The following PML variants were observed in gnomAD, a reference collection of about 807,000 sequenced individuals.
PML encodes the protein PML nuclear body scaffold.
PML carries 28 observed loss-of-function variants against 65.2 expected under a neutral mutation model. The ratio of observed to expected loss-of-function variants is 0.43; its 90% CI spans 0.32 to 0.59. The LOEUF (loss-of-function observed/expected upper bound fraction) is 0.59. Ranked by LOEUF, PML falls within the 20% of genes least tolerant of loss-of-function variation. The probability of loss-of-function intolerance (pLI) is 0.08; values close to 1 mark genes in which losing one functional copy is unlikely to be tolerated. For synonymous variants in PML, 500 were observed against 508.8 expected (o/e 0.98, Z 0.23); for missense variants, 1,021 against 1,203.4 (o/e 0.85, Z 2.24).
intron 2 of PML, among the ~76,000 whole-genome samples, chr15:74,010,120 C>A (rs530981817): frequency 6.6e-6 from 1 of 151,354 alleles, no homozygotes; most frequent in Non-Finnish European, 1.5e-5. Context: ...CCCAAGTTAT[C>A]CTCCCACCTC....
intron 5 of PML, 54 bp from the exon 6 acceptor site, chr15:74,033,102 T>C: frequency 3.1e-6 from 5 of 1,604,252 alleles, no homozygotes; most frequent in Non-Finnish European, 4.3e-6. Context: ...GGGCAGGCTC[T>C]GCCCACTCAC....
chr15:74,032,734 C>T lies in PML; in HGVS notation c.1398+19C>T, dbSNP rs1430702678. The stretch of plus-strand genomic sequence containing the variant: ...TGGAGAGGTAAGGTTCTCCCCAGCC[C>T]CAGCCTTCCCTCCTGAAGGCCTGAG... On this transcript the variant is annotated intron_variant, in intron 5 of 8. Transcript: ENST00000268058. 2.5e-6 allele frequency: 4 copies of T among 1,613,742 alleles called. No individual in the cohort carries two copies. The highest frequency in any genetic ancestry group is 2.7e-5 in the African/African-American group (2 of 74,932).
rs886298849 is a variant in PML at position 73,994,858 on chromosome 15, G to A, written c.46G>A (p.Ala16Thr). Residue 16 changes from alanine (A) to threonine (T), a missense_variant, in exon 1 of 9, where the codon GCC becomes ACC. Ala to Thr is a moderately conservative substitution (Grantham distance 58). Coordinates refer to ENST00000268058, the MANE Select transcript of PML (RefSeq NM_033238.3). ...ATCTCCGAGGCCCCAGCAGGACCCC[G>A]CCCGGCCCCAGGAGCCCACCATGCC... The part of the protein sequence containing the change: ...ARSPRPQQDP[A>T]RPQEPTMPPP... The A allele has an allele frequency of 5.4e-6, 8 of 1,474,734 alleles. No homozygotes were observed. The East Asian group carries it at 2.0e-4, about 37-fold the overall frequency. The allele number at this position is 1,474,734 out of a possible 1,614,324, so 91.4% of individuals were successfully genotyped here. A position where few individuals can be genotyped will look rare whatever the true frequency, so the allele number is the denominator to read the frequency against.
At position 74,044,471 on chromosome 15, in the gene PML, C is replaced by T. The variant is rs1279645884; in HGVS notation, c.2112C>T (p.Ile704=). Residue 704 remains isoleucine (I), a synonymous_variant, in exon 9 of 9, where the codon ATC becomes ATT. Coordinates refer to ENST00000268058, the MANE Select transcript of PML (RefSeq NM_033238.3). The part of the protein sequence containing the change: ...INRLWEFQEA[I]SGFLAALPLI... ...GGCTGTGGGAATTCCAGGAGGCCAT[C>T]TCGGGCTTCCTGGCTGCCCTGCCTC... The T allele has an allele frequency of 6.2e-7, 1 of 1,614,100 alleles. No homozygotes were observed.
At chr15:74,034,744 C>T (rs1369084094) in intron 7 of PML, 27 of 1,484,946 alleles carry the variant, frequency 1.8e-5, no homozygotes, top group Non-Finnish European at 2.4e-5. Context: ...GCCAGGAGCT[C>T]TTCTGAAATG....
intron 2 of PML, among the ~76,000 whole-genome samples, chr15:74,017,581 G>A (rs1459977988): frequency 6.6e-6 from 1 of 152,050 alleles, no homozygotes; most frequent in Admixed American, 6.5e-5. Context: ...CCCAGGAGGT[G>A]GAGGTTGCAA....
At chr15:74,036,421 A>T in intron 7 of PML, 1 of 1,293,188 alleles carries the variant, frequency 7.7e-7, no homozygotes, top group South Asian at 1.6e-5. Context: ...TTCCACGACC[A>T]TCGCGTTCTC....
Position 74,042,055 on chromosome 15 carries a change from T to C in PML, c.1711-934T>C, listed in dbSNP as rs539435828. Among the ~76,000 whole-genome samples, 3 of 152,352 alleles carry C rather than the reference T, an allele frequency of 2.0e-5. No individual in the cohort carries two copies. In the South Asian group the frequency reaches 6.2e-4, roughly 32 times the overall value. ...CATCTGGGCTTGGCAGCTGAGCAGA[T>C]GATAAGCAATTAACTCTGTATTACC... On this transcript the variant is annotated intron_variant, in intron 7 of 8. Transcript: ENST00000268058. The surrounding 1 kb of genome is among the most constrained non-coding windows in gnomAD (Gnocchi z 5.3).
chr15:74,006,589 A>C (rs1053264860), intron 2 of PML, among the ~76,000 whole-genome samples: 2 of 152,146 alleles, frequency 1.3e-5, no homozygotes, highest in African/African-American at 4.8e-5. Flanking sequence ...TGGCAGGGTA[A>C]AAGAAAGGGG....
intron 2 of PML, among the ~76,000 whole-genome samples, chr15:74,010,038 A>G (rs983124617): frequency 2.6e-5 from 4 of 151,620 alleles, no homozygotes; most frequent in South Asian, 2.1e-4. Flanking sequence ...TTTTTGAGAC[A>G]GGGACTTGCT....
chr15:74,007,937 C>T (rs1007288184), intron 2 of PML, among the ~76,000 whole-genome samples: 4 of 152,298 alleles, frequency 2.6e-5, no homozygotes, highest in South Asian at 2.1e-4. Flanking sequence ...TTGATAGTTA[C>T]CTTTGTCACA....
Position 74,045,145 on chromosome 15 carries a change from T to C in PML, c.*137T>C. 1 of 783,892 alleles carries C rather than the reference T, an allele frequency of 1.3e-6. No individual in the cohort carries two copies. The highest frequency in any genetic ancestry group is 2.0e-6 in the Non-Finnish European group (1 of 503,820). The allele number at this position is 783,892 out of a possible 1,614,324, so 48.6% of individuals were successfully genotyped here. ...TCATTTGGTTCAGAATCAGTTCCCT[T>C]TCTCTGGGACCAAATTTCCCTTCTC... On this transcript the variant is annotated 3_prime_UTR_variant, in exon 9 of 9. Transcript: ENST00000268058.
chr15:73,998,591 A>C, intron 2 of PML, 115 bp downstream of exon 2: 1 of 873,066 alleles, frequency 1.1e-6, no homozygotes, highest in Non-Finnish European at 1.8e-6. Flanking sequence ...GGGCCTTGCA[A>C]CTCTAAATGT....
At chr15:74,033,608 A>G (rs573155083) in intron 6 of PML, 194 bp downstream of exon 6, 6 of 730,624 alleles carry the variant, frequency 8.2e-6, no homozygotes, top group Non-Finnish European at 1.5e-5. Flanking sequence ...TTTTGCCATG[A>G]TTGAGGTGTG....
At chr15:74,005,964 G>A (rs2070026035) in intron 2 of PML, among the ~76,000 whole-genome samples, 1 of 152,188 alleles carries the variant, frequency 6.6e-6, no homozygotes. Flanking sequence ...CAGCTTGTAA[G>A]TAGTCCCACC....
rs1259671466 is a variant in PML at position 74,024,938 on chromosome 15, T to C, written c.1254+11T>C. The C allele has an allele frequency of 3.7e-6, 6 of 1,603,804 alleles. No individual in the cohort carries two copies. Among genetic ancestry groups the C allele is most frequent in the East Asian group, 2.2e-5 (1 of 44,798 alleles). ...ATTGACGTTGACCTGGTGAGATGGG[T>C]TTGAGGTCTGAAGGGGTGGTGGTGG... On this transcript the variant is annotated intron_variant, in intron 4 of 8. Coordinates refer to ENST00000268058, the MANE Select transcript of PML (RefSeq NM_033238.3).
At position 74,037,470 on chromosome 15, in the gene PML, C is replaced by CCCTGAATGA. The variant is rs2071597009; in HGVS notation, c.1710+2941_1710+2949dup. 1 of 985,232 alleles carries CCCTGAATGA rather than the reference C, an allele frequency of 1.0e-6. No individual in the cohort carries two copies. The highest frequency in any genetic ancestry group is 1.7e-5 in the African/African-American group (1 of 57,190). 61.0% of individuals were successfully genotyped at this position (985,232 alleles called of 1,614,324 possible). ...TATCCACTGCCTTCTGAACTAAACA[C>CCCTGAATGA]CCTGAATGAGGTCTTTCTCATCTCA... On this transcript the variant is annotated intron_variant, in intron 7 of 8. Coordinates refer to ENST00000268058, the MANE Select transcript of PML (RefSeq NM_033238.3). This position sits in a 1 kb window ranked among gnomAD's most constrained non-coding sequence, Gnocchi z 4.2.
In PML at chr15:74,032,394, G is replaced by A. The variant is rs931568658; in HGVS notation, c.1255-178G>A. The A allele has an allele frequency of 1.4e-5, 9 of 657,674 alleles. No homozygotes were observed. In the South Asian group the frequency reaches 1.5e-4, roughly 11 times the overall value. The allele number at this position is 657,674 out of a possible 1,614,324, so 40.7% of individuals were successfully genotyped here. On this transcript the variant is annotated intron_variant, in intron 4 of 8. Transcript: ENST00000268058. ...AAAAAAATTTTTTTAAAAAAAGGAGGTGATGTGATGGAGAGTTTGGAGGAC... is the reference window on the plus strand; with the variant it reads ...AAAAAAATTTTTTTAAAAAAAGGAGATGATGTGATGGAGAGTTTGGAGGAC...
At chr15:74,030,533 T>C (rs1307087534) in intron 4 of PML, among the ~76,000 whole-genome samples, 3 of 152,068 alleles carry the variant, frequency 2.0e-5, no homozygotes, top group African/African-American at 7.2e-5. Flanking sequence ...CCTGTAATCC[T>C]AGCTACTTAG....
Sources: gnomAD v4.1 joint callset for allele counts (sites outside exome capture counted in the v4.1 genomes callset) on GRCh38, gnomAD v4.1.1 for gene constraint, Gnocchi (gnomAD v3.1) non-coding constraint, MANE v1.5 for transcripts, NCBI Gene and HGNC (gene_info 2026-07-23, HGNC 2026-07-21) for gene names.